RNF150: variants seen among roughly 807,000 people sequenced by gnomAD.
The protein encoded by RNF150 is ring finger protein 150.
In RNF150, 24 loss-of-function variants were observed where a neutral mutation model predicts 39.3. The observed-to-expected ratio is 0.61, with a 90% confidence interval of 0.44 to 0.86. The LOEUF (loss-of-function observed/expected upper bound fraction) is 0.86. RNF150 is among the 40% of genes least tolerant of loss of function. RNF150 has a pLI of 0.00. For synonymous variants in RNF150, 255 were observed against 227.3 expected (o/e 1.12, Z -1.10); for missense variants, 502 against 587.8 (o/e 0.85, Z 1.51).
Position 140,903,261 on chromosome 4 carries a change from A to C in RNF150, c.1198+7883T>G, listed in dbSNP as rs895127278. Among the ~76,000 whole-genome samples the C allele has an allele frequency of 2.6e-5, 4 of 152,262 alleles. No individual in the cohort carries two copies. The East Asian group carries it at 5.8e-4, about 22-fold the overall frequency. ...TCAGTTTACCTCAAGTAGCTCCAAT[A>C]ATGTTCTAATAGTGACACTTTCCTT... On this transcript the variant is annotated intron_variant, in intron 6 of 6. Coordinates refer to ENST00000515673, the MANE Select transcript of RNF150 (RefSeq NM_020724.2).
intron 2 of RNF150, among the ~76,000 whole-genome samples, chr4:140,949,674 AC>A (rs376036137): frequency 0.024 from 2,523 of 104,826 alleles, 81 homozygotes; most frequent in African/African-American, 0.072. Context: ...TGCATACACT[AC>A]CCCCCCCCAA....
chr4:141,018,016 AAACATCTGTAT>A (rs1411003119), intron 1 of RNF150, among the ~76,000 whole-genome samples: 3 of 152,190 alleles, frequency 2.0e-5, no homozygotes, highest in African/African-American at 4.8e-5. Context: ...ATCCCATAAT[AAACATCTGTAT>A]AACAGTTAGG....
intron 1 of RNF150, among the ~76,000 whole-genome samples, chr4:141,193,000 C>G (rs1343083497): frequency 6.6e-6 from 1 of 152,214 alleles, no homozygotes; most frequent in East Asian, 1.9e-4. Context: ...TAAGACCTGT[C>G]TTGGCCACCT....
chr4:141,184,867 C>CTGTGTGTGTGTG (rs61134992), intron 1 of RNF150, among the ~76,000 whole-genome samples: 35 of 148,090 alleles, frequency 2.4e-4, no homozygotes, highest in African/African-American at 6.5e-4. Flanking sequence ...GTCTATATAT[C>CTGTGTGTGTGTG]TGTGTGTGTG....
chr4:141,049,021 G>C (rs1293531598), intron 1 of RNF150, among the ~76,000 whole-genome samples: 1 of 152,136 alleles, frequency 6.6e-6, no homozygotes, highest in African/African-American at 2.4e-5. Context: ...AGTTGTTCAT[G>C]GGTATGCCTA....
intron 1 of RNF150, among the ~76,000 whole-genome samples, chr4:141,115,138 G>A (rs1739509625): frequency 6.6e-6 from 1 of 152,138 alleles, no homozygotes; most frequent in South Asian, 2.1e-4. Context: ...GGAAGTTCTG[G>A]CTAGGGCAAT....
chr4:141,109,807 A>G (rs1158970130), intron 1 of RNF150, among the ~76,000 whole-genome samples: 17 of 152,188 alleles, frequency 1.1e-4, no homozygotes, highest in Non-Finnish European at 2.5e-4. Context: ...CAATTAAGAA[A>G]ACAAGGACAT....
In RNF150 at chr4:141,117,814, C is replaced by T. The variant is rs189237817; in HGVS notation, c.484+14511G>A. Among the ~76,000 whole-genome samples the T allele has an allele frequency of 2.7e-3, 408 of 152,280 alleles. 1 individual carries two copies. Among genetic ancestry groups the T allele is most frequent in the African/African-American group, 9.6e-3 (397 of 41,536 alleles). On this transcript the variant is annotated intron_variant, in intron 1 of 6. Transcript: ENST00000515673. ...TTCAGAACAAATGGCAATTCTCGTC[C>T]TTCTATTACTTATTCCATCCAACAA...
intron 1 of RNF150, among the ~76,000 whole-genome samples, chr4:141,041,115 TA>T (rs1195343574): frequency 5.9e-5 from 9 of 152,106 alleles, no homozygotes; most frequent in Non-Finnish European, 1.2e-4. Context: ...CTCTACTAGG[TA>T]GTACTAAGCC....
chr4:141,133,666 A>G (rs1223893045), upstream of RNF150, among the ~76,000 whole-genome samples: 1 of 151,970 alleles, frequency 6.6e-6, no homozygotes, highest in African/African-American at 2.4e-5. Flanking sequence ...CGACCCCTCG[A>G]CCTTTGAGTA....
At chr4:141,209,175 T>C (rs1162823946) in intron 1 of RNF150, among the ~76,000 whole-genome samples, 1 of 152,066 alleles carries the variant, frequency 6.6e-6, no homozygotes, top group African/African-American at 2.4e-5. Context: ...AAAGGCAAAT[T>C]GCGTTTCCCG....
chr4:141,023,968 T>G (rs1301877161), intron 1 of RNF150, among the ~76,000 whole-genome samples: 1 of 152,194 alleles, frequency 6.6e-6, no homozygotes, highest in Non-Finnish European at 1.5e-5. Context: ...AAATTATTGC[T>G]AAAATGTAAC....
intron 1 of RNF150, among the ~76,000 whole-genome samples, chr4:141,173,387 A>G (rs1727761908): frequency 6.6e-6 from 1 of 152,242 alleles, no homozygotes; most frequent in African/African-American, 2.4e-5. Context: ...AGACATAAGT[A>G]AAAGAGAGAT....
At chr4:141,059,768 C>T (rs1192696867) in intron 1 of RNF150, among the ~76,000 whole-genome samples, 1 of 152,028 alleles carries the variant, frequency 6.6e-6, no homozygotes, top group Admixed American at 6.6e-5. Context: ...AGTAATCCCT[C>T]CTTAGAATAA....
At chr4:141,155,823 A>G (rs1255272630) in intron 1 of RNF150, among the ~76,000 whole-genome samples, 2 of 152,178 alleles carry the variant, frequency 1.3e-5, no homozygotes, top group Non-Finnish European at 2.9e-5. Context: ...AAACCACAAA[A>G]ACGAAGGGGA....
At chr4:140,954,275 G>A (rs1424266164) in intron 2 of RNF150, among the ~76,000 whole-genome samples, 12 of 152,154 alleles carry the variant, frequency 7.9e-5, no homozygotes, top group African/African-American at 2.9e-4. Context: ...GTGCAATGGC[G>A]TGAATCTTGG....
intron 1 of RNF150, among the ~76,000 whole-genome samples, chr4:141,100,617 C>A (rs1297304927): frequency 1.3e-5 from 2 of 152,142 alleles, no homozygotes; most frequent in African/African-American, 4.8e-5. Context: ...TGGGATGGAT[C>A]TGACTAAGGG....
At chr4:141,122,332 CA>C (rs1280524603) in intron 1 of RNF150, among the ~76,000 whole-genome samples, 1 of 152,194 alleles carries the variant, frequency 6.6e-6, no homozygotes, top group Admixed American at 6.5e-5. Flanking sequence ...TGTCTTGCCT[CA>C]GCTGCCAAAA....
At chr4:141,073,414 G>T (rs188056776) in intron 1 of RNF150, among the ~76,000 whole-genome samples, 4 of 152,230 alleles carry the variant, frequency 2.6e-5, no homozygotes, top group Admixed American at 6.5e-5. Context: ...ACTCTTATCT[G>T]CTTTCTGAGA....
Sources: allele counts gnomAD v4.1 joint callset (sites outside exome capture counted in the v4.1 genomes callset), GRCh38; gene constraint gnomAD v4.1.1; transcripts MANE v1.5; gene names NCBI Gene and HGNC (gene_info 2026-07-23, HGNC 2026-07-21).